The following NRG1 variants were observed in gnomAD, a reference collection of about 807,000 sequenced individuals.
NRG1 encodes pro-neuregulin-1, membrane-bound isoform.
A neutral mutation model predicts 63.8 loss-of-function variants in NRG1; 18 were observed. The observed-to-expected ratio is 0.28, with a 90% CI of 0.19 to 0.42. The LOEUF (loss-of-function observed/expected upper bound fraction) is 0.42, where lower values mean the gene tolerates loss of function less well. Among genes scored for constraint, NRG1 ranks in the 10% least tolerant of loss-of-function variants. The pLI, the probability that NRG1 is intolerant of heterozygous loss-of-function variation, is 1.00. For missense variants in NRG1, 762 were observed against 814.7 expected, an observed-to-expected ratio of 0.94 and a Z score of 0.79; for synonymous variants, 302 against 301.3, an observed-to-expected ratio of 1.00 and a Z score of -0.02.
At chr8:32,745,659 T>C (rs1463220461) in intron 7 of NRG1, among the ~76,000 whole-genome samples, 1 of 138,216 alleles carries the variant, frequency 7.2e-6, no homozygotes, top group Non-Finnish European at 1.6e-5. Context: ...TGTTCATCGA[T>C]ATGTGGTGTG....
chr8:31,819,466 C>T (rs560955905), intron 1 of NRG1, among the ~76,000 whole-genome samples: 1 of 152,276 alleles, frequency 6.6e-6, no homozygotes, highest in East Asian at 1.9e-4. Context: ...CATTTTATGG[C>T]ATTTCTTGCT....
chr8:32,741,926 A>G, intron 6 of NRG1, 82 bp from the exon 7 acceptor site: 1 of 984,032 alleles, frequency 1.0e-6, no homozygotes, highest in East Asian at 2.4e-5. Context: ...GAATCTCCAT[A>G]TTCCATAGGA....
intron 2 of NRG1, among the ~76,000 whole-genome samples, chr8:32,601,003 C>A (rs988377114): frequency 6.6e-6 from 1 of 152,094 alleles, no homozygotes; most frequent in Non-Finnish European, 1.5e-5. Context: ...CTTATCAAAG[C>A]CCCAAATCTT....
chr8:31,731,417 TACACAC>T (rs139927733), intron 1 of NRG1, among the ~76,000 whole-genome samples: 55 of 148,408 alleles, frequency 3.7e-4, no homozygotes, highest in Middle Eastern at 3.5e-3. Flanking sequence ...AATTATGTCA[TACACAC>T]ACACACACAC....
chr8:32,461,557 G>A (rs964135514), intron 1 of NRG1, among the ~76,000 whole-genome samples: 1 of 152,124 alleles, frequency 6.6e-6, no homozygotes, highest in African/African-American at 2.4e-5. Context: ...AATTAGCTGG[G>A]TGTGGTGGCG....
intron 1 of NRG1, among the ~76,000 whole-genome samples, chr8:31,961,425 A>G (rs557762048): frequency 2.1e-4 from 32 of 152,346 alleles, no homozygotes; most frequent in African/African-American, 6.5e-4. Context: ...ATATTAAGAA[A>G]TAGATCTACT....
chr8:32,014,708 C>T (rs901758488), intron 1 of NRG1, among the ~76,000 whole-genome samples: 4 of 144,646 alleles, frequency 2.8e-5, no homozygotes, highest in Non-Finnish European at 6.0e-5. Flanking sequence ...GAATTTTGAG[C>T]CCCCCAACCC....
intron 1 of NRG1, among the ~76,000 whole-genome samples, chr8:31,937,327 T>C (rs1267313212): frequency 1.3e-5 from 2 of 152,166 alleles, no homozygotes; most frequent in African/African-American, 4.8e-5. Flanking sequence ...ATAGAAAGTA[T>C]AACATTTTAA....
intron 1 of NRG1, among the ~76,000 whole-genome samples, chr8:32,112,397 A>G (rs1228503290): frequency 2.0e-5 from 3 of 152,250 alleles, no homozygotes; most frequent in African/African-American, 4.8e-5. Context: ...GCTGTTGTGA[A>G]TGGGCAGAAG....
chr8:32,562,593 G>A (rs1836650799), intron 1 of NRG1, among the ~76,000 whole-genome samples: 1 of 152,136 alleles, frequency 6.6e-6, no homozygotes, highest in Non-Finnish European at 1.5e-5. Flanking sequence ...TAACCAGGAA[G>A]CATGCCTGGG....
intron 1 of NRG1, among the ~76,000 whole-genome samples, chr8:32,590,665 T>C (rs890943620): frequency 1.5e-4 from 23 of 152,154 alleles, no homozygotes; most frequent in Non-Finnish European, 1.0e-4. Context: ...TTTATTTCAG[T>C]GAAATAAATG....
At chr8:32,175,593 A>C (rs1312330018) in intron 1 of NRG1, among the ~76,000 whole-genome samples, 1 of 152,192 alleles carries the variant, frequency 6.6e-6, no homozygotes, top group Non-Finnish European at 1.5e-5. Context: ...CCATTGTCTC[A>C]GCCCAAAATC....
At chr8:32,686,879 G>T (rs1207226087) in intron 5 of NRG1, among the ~76,000 whole-genome samples, 3 of 152,148 alleles carry the variant, frequency 2.0e-5, no homozygotes, top group Non-Finnish European at 4.4e-5. Context: ...TGGTATTAAT[G>T]ATACAGCGAT....
At chr8:32,157,329 C>T (rs1189300197) in intron 1 of NRG1, among the ~76,000 whole-genome samples, 2 of 133,786 alleles carry the variant, frequency 1.5e-5, no homozygotes, top group Admixed American at 8.1e-5. Flanking sequence ...GGTGCCACCG[C>T]ACTTCAGAAA....
At chr8:32,402,915 A>C (rs902360907) in intron 1 of NRG1, among the ~76,000 whole-genome samples, 1 of 152,046 alleles carries the variant, frequency 6.6e-6, no homozygotes, top group African/African-American at 2.4e-5. Flanking sequence ...AGGGGGGATT[A>C]CTCTATGTAT....
At chr8:32,008,630 C>T (rs1008782768) in intron 1 of NRG1, among the ~76,000 whole-genome samples, 2 of 151,922 alleles carry the variant, frequency 1.3e-5, no homozygotes, top group South Asian at 2.1e-4. Context: ...TTCGGTGACT[C>T]GTAATACAGA....
rs181910262 is a variant in NRG1 at position 32,417,940 on chromosome 8, C to T, written c.38-177888C>T. The stretch of plus-strand genomic sequence containing the variant: ...ATCACTTATTTTTTATGCACCTTTT[C>T]CAAAGCAACTATATTGTCCTTATCT... On this transcript the variant is annotated intron_variant, in intron 1 of 10. Transcript: ENST00000519301. 3.6e-3 allele frequency among the ~76,000 whole-genome samples: 540 copies of T among 152,104 alleles called. 2 individuals carry two copies. The highest frequency in any genetic ancestry group is 0.017 in the Middle Eastern group (5 of 294).
intron 1 of NRG1, among the ~76,000 whole-genome samples, chr8:32,280,937 T>C (rs1261402530): frequency 2.0e-5 from 3 of 150,740 alleles, no homozygotes; most frequent in Non-Finnish European, 4.4e-5. Flanking sequence ...TTTTTTGTAT[T>C]TTTAGTAGAG....
At chr8:31,841,016 G>A (rs1384189539) in intron 1 of NRG1, among the ~76,000 whole-genome samples, 1 of 152,152 alleles carries the variant, frequency 6.6e-6, no homozygotes, top group Admixed American at 6.6e-5. Context: ...ATTGTGCTAG[G>A]TTAGAGGGAT....
Sources: gnomAD v4.1 joint callset for allele counts (sites outside exome capture counted in the v4.1 genomes callset) on GRCh38, gnomAD v4.1.1 for gene constraint, MANE v1.5 for transcripts, NCBI Gene and HGNC (gene_info 2026-07-23, HGNC 2026-07-21) for gene names.